The following PGAP1 variants were observed in gnomAD, a reference collection of about 807,000 sequenced individuals.
PGAP1 encodes the protein post-GPI attachment to proteins inositol deacylase 1.
Under a neutral mutation model 127.0 loss-of-function variants are expected in PGAP1, and 76 were observed. That is an observed-to-expected ratio of 0.60 (90% CI 0.50 to 0.72). The LOEUF (loss-of-function observed/expected upper bound fraction) is 0.72, where lower values mean the gene tolerates loss of function less well. Among genes scored for constraint, PGAP1 ranks in the 30% least tolerant of loss-of-function variants. PGAP1 has a pLI of 0.00. For missense variants in PGAP1, 982 were observed against 1,071.3 expected (o/e 0.92, Z 1.16); for synonymous variants, 362 against 366.5 (o/e 0.99, Z 0.14).
chr2:196,905,747 C>T (rs1287587120), intron 4 of PGAP1, among the ~76,000 whole-genome samples: 1 of 146,784 alleles, frequency 6.8e-6, no homozygotes, highest in Non-Finnish European at 1.5e-5. Context: ...TGTGCGCGCA[C>T]CGTGCGCGAG....
intron 4 of PGAP1, among the ~76,000 whole-genome samples, chr2:196,907,220 A>C (rs1478830904): frequency 7.4e-4 from 10 of 13,546 alleles, no homozygotes; most frequent in African/African-American, 3.7e-3. Flanking sequence ...GGTTACCCTC[A>C]AAGGAAAGCC....
intron 7 of PGAP1, among the ~76,000 whole-genome samples, 164 bp from the exon 8 acceptor site, chr2:196,893,409 G>A (rs1207220034): frequency 1.3e-5 from 2 of 152,150 alleles, no homozygotes; most frequent in Non-Finnish European, 2.9e-5. Flanking sequence ...AAAACTCTAA[G>A]AGATAATGAT....
chr2:196,869,238 GA>G (rs1224142182), intron 19 of PGAP1, among the ~76,000 whole-genome samples: 1 of 152,150 alleles, frequency 6.6e-6, no homozygotes, highest in Admixed American at 6.5e-5. Flanking sequence ...ATGGATAAGA[GA>G]ATATGTTATA....
At chr2:196,855,846 T>C (rs1440941024) in intron 20 of PGAP1, among the ~76,000 whole-genome samples, 2 of 152,158 alleles carry the variant, frequency 1.3e-5, no homozygotes, top group South Asian at 4.1e-4. Context: ...GTTAGTTATA[T>C]TACCACGGCT....
chr2:196,892,343 T>TAA lies in PGAP1; in HGVS notation c.1089+2_1089+3insTT. 1 of 1,395,798 alleles carries TAA rather than the reference T, an allele frequency of 7.2e-7. No individual in the cohort carries two copies. The highest frequency in any genetic ancestry group is 9.9e-7 in the Non-Finnish European group (1 of 1,010,260). The allele number at this position is 1,395,798 out of a possible 1,614,324, so 86.5% of individuals were successfully genotyped here. ...AAAAAAAATCCATTGGTGGAATACT[T>TAA]ACGTTGTAAGCTACATAGGTCCATT... On this transcript the variant is annotated splice_region_variant and intron_variant, in intron 9 of 26. Transcript: ENST00000354764.
At chr2:196,882,350 T>A (rs139313344) in intron 12 of PGAP1, among the ~76,000 whole-genome samples, 2 of 152,168 alleles carry the variant, frequency 1.3e-5, no homozygotes, top group African/African-American at 2.4e-5. Context: ...TTTGGTTCCA[T>A]ATGAATTTTA....
At chr2:196,898,783 T>TTCTAAGATG (rs1702375266) in intron 5 of PGAP1, among the ~76,000 whole-genome samples, 2 of 152,168 alleles carry the variant, frequency 1.3e-5, no homozygotes, top group South Asian at 4.1e-4. Context: ...ACTTGATAGA[T>TTCTAAGATG]TCTAAGATGT....
intron 21 of PGAP1, chr2:196,847,507 A>G (rs1249929427): frequency 4.9e-6 from 1 of 204,240 alleles, no homozygotes; most frequent in East Asian, 1.1e-4. Context: ...TGATGGAAAA[A>G]AAGATCTACA....
chr2:196,915,420 T>G (rs532619049), intron 3 of PGAP1, among the ~76,000 whole-genome samples: 1 of 152,326 alleles, frequency 6.6e-6, no homozygotes, highest in East Asian at 1.9e-4. Context: ...GTAGCATACA[T>G]GGAATGCCTA....
At chr2:196,844,600 T>A in intron 23 of PGAP1, 26 bp from the exon 24 acceptor site, 1 of 1,536,268 alleles carries the variant, frequency 6.5e-7, no homozygotes, top group Non-Finnish European at 8.9e-7. Flanking sequence ...TGCTCTTTAA[T>A]TTTACTTTTA....
intron 20 of PGAP1, among the ~76,000 whole-genome samples, chr2:196,852,351 G>A (rs1230080599): frequency 6.6e-6 from 1 of 152,016 alleles, no homozygotes; most frequent in Non-Finnish European, 1.5e-5. Flanking sequence ...TAACCCAAGT[G>A]TCTTTTAGCT....
intron 20 of PGAP1, among the ~76,000 whole-genome samples, chr2:196,862,840 C>A (rs1026437716): frequency 2.0e-5 from 3 of 152,158 alleles, no homozygotes; most frequent in African/African-American, 2.4e-5. Flanking sequence ...ATCTCTTGAA[C>A]CCGGGAGGTG....
intron 1 of PGAP1, among the ~76,000 whole-genome samples, chr2:196,926,268 A>C (rs1265749637): frequency 6.6e-6 from 1 of 151,154 alleles, no homozygotes; most frequent in African/African-American, 2.4e-5. Flanking sequence ...CAAACACCCC[A>C]CCGTGAAGAA....
intron 26 of PGAP1, among the ~76,000 whole-genome samples, chr2:196,842,047 A>G (rs1447776816): frequency 6.6e-6 from 1 of 150,860 alleles, no homozygotes; most frequent in East Asian, 1.9e-4. Flanking sequence ...AACCCTACTT[A>G]TAAAAAAAAA....
chr2:196,839,356 G>A lies in PGAP1; in HGVS notation c.*1878C>T, dbSNP rs1426193988. 6.6e-6 allele frequency: 1 copy of A among 152,214 alleles called. No homozygotes were observed. Among genetic ancestry groups the A allele is most frequent in the Non-Finnish European group, 1.5e-5 (1 of 68,042 alleles). The allele number at this position is 152,214 out of a possible 1,614,324, so 9.4% of individuals were successfully genotyped here. A position where few individuals can be genotyped will look rare whatever the true frequency, so the allele number is the denominator to read the frequency against. On this transcript the variant is annotated 3_prime_UTR_variant, in exon 27 of 27. Transcript: ENST00000354764. ...TGTTTATAAGTATAGTTAAACATAG[G>A]GAGATGTGTCCCTATTTAAACATAT...
At chr2:196,895,706 G>T (rs1340288150) in intron 7 of PGAP1, among the ~76,000 whole-genome samples, 1 of 152,116 alleles carries the variant, frequency 6.6e-6, no homozygotes, top group Non-Finnish European at 1.5e-5. Flanking sequence ...TTTCTGAAGA[G>T]TTAAGGAAAA....
rs1476058984 is a variant in PGAP1, at chr2:196,845,919, A to G, written c.2249T>C (p.Leu750Pro). The change falls in exon 23 of 27, where the codon CTA (leucine) becomes CCA (proline). Residue 750 changes from leucine (L) to proline (P), a missense_variant. Leu to Pro is a moderately conservative substitution (Grantham distance 98, BLOSUM62 -3). Transcript: ENST00000354764. The stretch of plus-strand genomic sequence containing the variant: ...GTAAAGATAAGAAAGAAGTATGGCT[A>G]GTGCTCCACAAGTTGTCCAACTAAC... The part of the protein sequence containing the change: ...IIVSWTTCGA[L>P]AILLSYLYYV... 6.2e-7 allele frequency: 1 copy of G among 1,609,276 alleles called. No individual in the cohort carries two copies. Among genetic ancestry groups the G allele is most frequent in the Non-Finnish European group, 8.5e-7 (1 of 1,177,160 alleles).
chr2:196,902,808 T>G, intron 4 of PGAP1, 66 bp from the exon 5 acceptor site: 3 of 1,157,414 alleles, frequency 2.6e-6, no homozygotes, highest in African/African-American at 1.6e-5. Context: ...AAGATATCTA[T>G]ACAGTAATAT....
rs770701838 is a variant in PGAP1, at chr2:196,916,541, C to T, written c.354G>A (p.Lys118=). 8 of 1,613,392 alleles carry T rather than the reference C, an allele frequency of 5.0e-6. No homozygotes were observed. The highest frequency in any genetic ancestry group is 2.2e-5 in the East Asian group (1 of 44,846). ...TCACACTAAAGAAGTCAAAGTGGTA[C>T]TTGAAGTCAATGTCCTCTGCTTTTC... ...ALRKAEDIDF[K]YHFDFFSVNF... is the part of the protein sequence containing the mutation. The change falls in exon 3 of 27, where the codon AAG becomes AAA. Residue 118 remains lysine (K), a synonymous_variant. Transcript: ENST00000354764.
Sources: allele counts gnomAD v4.1 joint callset (sites outside exome capture counted in the v4.1 genomes callset), GRCh38; gene constraint gnomAD v4.1.1; transcripts MANE v1.5; gene names NCBI Gene and HGNC (gene_info 2026-07-23, HGNC 2026-07-21).